The following GPX8 variants were observed in gnomAD, a reference collection of about 807,000 sequenced individuals.
GPX8 encodes protein peroxidase GPX8.
In GPX8, 12 loss-of-function variants were observed where a neutral mutation model predicts 17.8. That is an observed-to-expected ratio of 0.67 (90% confidence interval 0.43 to 1.09). GPX8 has a LOEUF of 1.09. GPX8 is among the 50% of genes least tolerant of loss of function. The probability of loss-of-function intolerance (pLI) is 0.00; values close to 1 mark genes in which losing one functional copy is unlikely to be tolerated. For synonymous variants in GPX8, 86 were observed against 88.1 expected, an observed-to-expected ratio of 0.98 and a Z score of 0.14; for missense variants, 209 against 235.6, an observed-to-expected ratio of 0.89 and a Z score of 0.74.
chr5:55,166,370 A>G lies in GPX8; in HGVS notation c.*2152A>G, dbSNP rs1365526114. 1 of 152,230 alleles carries G rather than the reference A, an allele frequency of 6.6e-6. No homozygotes were observed. The highest frequency in any genetic ancestry group is 1.5e-5 in the Non-Finnish European group (1 of 68,058). 9.4% of individuals were successfully genotyped at this position (152,230 alleles called of 1,614,324 possible). On this transcript the variant is annotated 3_prime_UTR_variant, in exon 3 of 3. Coordinates refer to ENST00000503787, the MANE Select transcript of GPX8 (RefSeq NM_001008397.4). The stretch of plus-strand genomic sequence containing the variant: ...ACATCTCTCTAATCTTGGCTGCCTT[A>G]TTCAACCTACAGACTCTATGTCAGT...
chr5:55,163,798 C>T (rs767262389), intron 2 of GPX8, among the ~76,000 whole-genome samples: 1 of 150,000 alleles, frequency 6.7e-6, no homozygotes, highest in Non-Finnish European at 1.5e-5. Flanking sequence ...TGAGCCACGG[C>T]TCCCAGCCTA....
rs375475047 is a variant in GPX8 at position 55,160,217 on chromosome 5, C to T, written c.25C>T (p.Leu9=). 1.9e-5 allele frequency: 30 copies of T among 1,613,956 alleles called. No individual in the cohort carries two copies. The highest frequency in any genetic ancestry group is 5.1e-6 in the Non-Finnish European group (6 of 1,179,962). Residue 9 remains leucine, a synonymous_variant, in exon 1 of 3, where the codon CTA becomes TTA. Transcript: ENST00000503787. MEPLAAYP[L]KCSGPRAKVF... is the part of the protein sequence containing the mutation. The stretch of plus-strand genomic sequence containing the variant: ...CATGGAGCCTCTTGCAGCTTACCCG[C>T]TAAAATGTTCCGGGCCCAGAGCAAA...
intron 1 of GPX8, chr5:55,160,688 A>C: frequency 2.2e-6 from 1 of 454,026 alleles, no homozygotes; most frequent in East Asian, 3.8e-5. Context: ...ATTTATTAAT[A>C]AAAGTATTGG....
rs1359718675 is a variant in GPX8, at chr5:55,164,733, A to AAT, written c.*523_*524dup. 1 of 152,218 alleles carries AAT rather than the reference A, an allele frequency of 6.6e-6. No homozygotes were observed. The highest frequency in any genetic ancestry group is 2.4e-5 in the African/African-American group (1 of 41,462). 9.4% of individuals were successfully genotyped at this position (152,218 alleles called of 1,614,324 possible). ...AAAACACAAATGTTGAAAAATGTAA[A>AAT]ATATATATACATAGATTCAAATCCT... On this transcript the variant is annotated 3_prime_UTR_variant, in exon 3 of 3. Coordinates refer to ENST00000503787, the MANE Select transcript of GPX8 (RefSeq NM_001008397.4).
chr5:55,160,374 C>A lies in GPX8; in HGVS notation c.182C>A (p.Ser61Tyr), dbSNP rs1357706555. 3 of 1,612,466 alleles carry A rather than the reference C, an allele frequency of 1.9e-6. No homozygotes were observed. Among genetic ancestry groups the A allele is most frequent in the Middle Eastern group, 2.0e-4 (1 of 5,044 alleles). Residue 61 changes from serine to tyrosine, a missense_variant, in exon 1 of 3, where the codon TCT becomes TAT. Physicochemically the swap from Ser to Tyr is moderately radical, Grantham distance 144 (BLOSUM62 -2). Coordinates refer to ENST00000503787, the MANE Select transcript of GPX8 (RefSeq NM_001008397.4). ...AAGGATGCAAAAGGAAGAACTGTTT[C>A]TCTGGAAAAGTATAAAGGCAAAGTA... ...EVKDAKGRTV[S>Y]LEKYKGKVSL...
intron 2 of GPX8, 90 bp downstream of exon 2, chr5:55,161,345 C>T: frequency 8.0e-7 from 1 of 1,249,026 alleles, no homozygotes; most frequent in Non-Finnish European, 1.1e-6. Context: ...TCATTTGAAA[C>T]GTTGTATCGG....
Position 55,161,263 on chromosome 5 carries a change from T to G in GPX8, c.466+8T>G. ...CATTTAGATTTCTTGTTGGTAAATATCTGCCTTGCATATGCTGTTTTAAAT... is the reference window on the plus strand; with the variant it reads ...CATTTAGATTTCTTGTTGGTAAATAGCTGCCTTGCATATGCTGTTTTAAAT... On this transcript the variant is annotated splice_region_variant and intron_variant, in intron 2 of 2. Coordinates refer to ENST00000503787, the MANE Select transcript of GPX8 (RefSeq NM_001008397.4). The G allele has an allele frequency of 6.2e-7, 1 of 1,612,042 alleles. No homozygotes were observed. The highest frequency in any genetic ancestry group is 1.7e-5 in the Admixed American group (1 of 59,886).
At chr5:55,160,421 T>C in intron 1 of GPX8, 25 bp downstream of exon 1, 1 of 1,566,936 alleles carries the variant, frequency 6.4e-7, no homozygotes, top group Non-Finnish European at 8.8e-7. Context: ...CTGATTTTTA[T>C]TGTTATCATT....
In GPX8 at chr5:55,167,104, T is replaced by C. The variant is rs1744434752; in HGVS notation, c.*2886T>C. 1 of 152,140 alleles carries C rather than the reference T, an allele frequency of 6.6e-6. No individual in the cohort carries two copies. Among genetic ancestry groups the C allele is most frequent in the Non-Finnish European group, 1.5e-5 (1 of 68,026 alleles). 9.4% of individuals were successfully genotyped at this position (152,140 alleles called of 1,614,324 possible). A position where few individuals can be genotyped will look rare whatever the true frequency, so the allele number is the denominator to read the frequency against. The stretch of plus-strand genomic sequence containing the variant: ...CATCACATGAAAGAGTATTCAGCTG[T>C]CGTTCTTGTGAAAAAGGAAAAGGAC... On this transcript the variant is annotated 3_prime_UTR_variant, in exon 3 of 3. Transcript: ENST00000503787.
At position 55,164,342 on chromosome 5, in the gene GPX8, T is replaced by C; in HGVS notation, c.*124T>C. ...ACCCAGGCTGGAGTGCAGTAGTGCG[T>C]TCTCAGCTCATTGCAACCTCTGCCT... On this transcript the variant is annotated 3_prime_UTR_variant, in exon 3 of 3. Transcript: ENST00000503787. 1 of 540,322 alleles carries C rather than the reference T, an allele frequency of 1.9e-6. No homozygotes were observed. Among genetic ancestry groups the C allele is most frequent in the Non-Finnish European group, 2.9e-6 (1 of 346,264 alleles). 33.5% of individuals were successfully genotyped at this position (540,322 alleles called of 1,614,324 possible). A position where few individuals can be genotyped will look rare whatever the true frequency, so the allele number is the denominator to read the frequency against.
At position 55,164,089 on chromosome 5, in the gene GPX8, G is replaced by A. The variant is rs1744243741; in HGVS notation, c.501G>A (p.Trp167Ter). The stretch of plus-strand genomic sequence containing the variant: ...AGAAGGAACCAAGGTGGAATTTTTG[G>A]AAGTATCTTGTCAACCCTGAGGGTC... ...SSKKEPRWNF[W>*]KYLVNPEGQV... Residue 167 changes from tryptophan to a stop codon, truncating the protein, a stop_gained, in exon 3 of 3, where the codon TGG (tryptophan) becomes TGA (stop). Transcript: ENST00000503787. LOFTEE classifies it high-confidence loss of function. The A allele has an allele frequency of 6.3e-7, 1 of 1,596,890 alleles. No individual in the cohort carries two copies. The highest frequency in any genetic ancestry group is 8.5e-7 in the Non-Finnish European group (1 of 1,169,898).
intron 2 of GPX8, among the ~76,000 whole-genome samples, chr5:55,162,906 A>C (rs1744159941): frequency 6.6e-6 from 1 of 152,240 alleles, no homozygotes; most frequent in Non-Finnish European, 1.5e-5. Context: ...TAAGAGCATG[A>C]GCTCTGGAGT....
intron 1 of GPX8, chr5:55,160,768 C>A: frequency 2.0e-6 from 1 of 492,666 alleles, no homozygotes; most frequent in Non-Finnish European, 3.5e-6. Context: ...TAAAAATAAA[C>A]TTTCATGAGT....
intron 2 of GPX8, among the ~76,000 whole-genome samples, chr5:55,161,992 C>T (rs1404937561): frequency 6.7e-6 from 1 of 150,370 alleles, no homozygotes; most frequent in African/African-American, 2.5e-5. Flanking sequence ...ATAGTACCGC[C>T]TTCTTAAGAT....
chr5:55,162,353 C>T (rs1443702229), intron 2 of GPX8, among the ~76,000 whole-genome samples: 12 of 152,296 alleles, frequency 7.9e-5, no homozygotes, highest in Middle Eastern at 3.4e-3. Flanking sequence ...TGAAATCGCG[C>T]TACTGCACTC....
At position 55,161,222 on chromosome 5, in the gene GPX8, T is replaced by A. The variant is rs771059473; in HGVS notation, c.433T>A (p.Ser145Thr). ...CTTCCACAAGATTAAGATTCTAGGA[T>A]CTGAAGGAGAACCTGCATTTAGATT... ...PIFHKIKILG[S>T]EGEPAFRFLV... Residue 145 changes from serine (S) to threonine (T), a missense_variant, in exon 2 of 3, where the codon TCT (serine) becomes ACT (threonine). By Grantham distance (58) the Ser-to-Thr change is moderately conservative. Transcript: ENST00000503787. 5.0e-6 allele frequency: 8 copies of A among 1,614,110 alleles called. No individual in the cohort carries two copies. In the South Asian group the frequency reaches 7.7e-5, roughly 16 times the overall value.
At chr5:55,161,321 A>G (rs1744050490) in intron 2 of GPX8, 66 bp downstream of exon 2, 1 of 1,395,558 alleles carries the variant, frequency 7.2e-7, no homozygotes. Flanking sequence ...ATACCAGGAC[A>G]ATACTTTCCT....
intron 2 of GPX8, among the ~76,000 whole-genome samples, chr5:55,161,468 A>G (rs1385572571): frequency 6.6e-6 from 1 of 152,208 alleles, no homozygotes; most frequent in Non-Finnish European, 1.5e-5. Context: ...AAAGAATTCT[A>G]TTCCAATATA....
At chr5:55,162,367 C>G (rs1215509639) in intron 2 of GPX8, among the ~76,000 whole-genome samples, 1 of 152,134 alleles carries the variant, frequency 6.6e-6, no homozygotes, top group African/African-American at 2.4e-5. Context: ...TGCACTCCAG[C>G]CTGGGCGACA....
Sources: allele counts gnomAD v4.1 joint callset (sites outside exome capture counted in the v4.1 genomes callset), GRCh38; gene constraint gnomAD v4.1.1; transcripts MANE v1.5; gene names NCBI Gene and HGNC (gene_info 2026-07-23, HGNC 2026-07-21).